THSD7A: variants seen among roughly 807,000 people sequenced by gnomAD.
THSD7A encodes thrombospondin type 1 domain containing 7A, also known as thrombospondin type-1 domain-containing protein 7A.
THSD7A carries 96 observed loss-of-function variants against 231.3 expected under a neutral mutation model. The ratio of observed to expected loss-of-function variants is 0.41; its 90% CI spans 0.35 to 0.49. The LOEUF (loss-of-function observed/expected upper bound fraction) is 0.49, where lower values mean the gene tolerates loss of function less well. THSD7A is among the 20% of genes least tolerant of loss of function. The pLI is 0.05. For missense variants in THSD7A, 2,290 were observed against 2,070.2 expected (o/e 1.11, Z -2.06); for synonymous variants, 940 against 743.3 (o/e 1.26, Z -4.30).
chr7:11,792,826 T>C (rs1784000321), intron 1 of THSD7A, among the ~76,000 whole-genome samples: 1 of 151,948 alleles, frequency 6.6e-6, no homozygotes, highest in African/African-American at 2.4e-5. Context: ...CAACTTTCCA[T>C]TGCAGCACAG....
intron 1 of THSD7A, among the ~76,000 whole-genome samples, chr7:11,732,579 CAAAAT>C (rs1781774341): frequency 6.6e-6 from 1 of 151,736 alleles, no homozygotes; most frequent in African/African-American, 2.4e-5. Context: ...GTATAAAACA[CAAAAT>C]AAAACATTTA....
chr7:11,481,946 A>T lies in THSD7A; in HGVS notation c.1859T>A (p.Ile620Asn). Residue 620 changes from isoleucine (I) to asparagine (N), a missense_variant, in exon 7 of 28, where the codon ATC (isoleucine) becomes AAC (asparagine). Transcript: ENST00000423059. ...EVDRQLCRDA[I>N]FPIPVACDAP... is the part of the protein sequence containing the mutation. Reference sequence around the variant, plus strand: ...ATCACAGGCCACAGGGATGGGGAAGATGGCATCTCTGCACAGCTGTCTGTC... The same window carrying T: ...ATCACAGGCCACAGGGATGGGGAAGTTGGCATCTCTGCACAGCTGTCTGTC... 6.2e-7 allele frequency: 1 copy of T among 1,613,358 alleles called. No homozygotes were observed. The highest frequency in any genetic ancestry group is 1.3e-5 in the African/African-American group (1 of 75,056).
intron 6 of THSD7A, among the ~76,000 whole-genome samples, chr7:11,502,526 G>GA (rs1406592528): frequency 1.3e-5 from 2 of 152,020 alleles, no homozygotes; most frequent in African/African-American, 2.4e-5. Flanking sequence ...CAGAACTAAA[G>GA]AAAAAAACCC....
At chr7:11,422,617 A>AG (rs1784184518) in intron 16 of THSD7A, among the ~76,000 whole-genome samples, 1 of 150,664 alleles carries the variant, frequency 6.6e-6, no homozygotes, top group South Asian at 2.1e-4. Flanking sequence ...AAAAAAAAAA[A>AG]GTAACATGTA....
intron 1 of THSD7A, among the ~76,000 whole-genome samples, chr7:11,668,101 C>G (rs533867311): frequency 1.3e-4 from 20 of 150,910 alleles, no homozygotes; most frequent in Non-Finnish European, 2.7e-4. Context: ...GTGGAGTGCT[C>G]TTTTTACTCT....
intron 1 of THSD7A, among the ~76,000 whole-genome samples, chr7:11,703,349 T>G (rs768718724): frequency 9.3e-5 from 14 of 151,282 alleles, no homozygotes; most frequent in Non-Finnish European, 1.5e-4. Context: ...TTATTTATTA[T>G]TTCTTCTTTG....
intron 1 of THSD7A, among the ~76,000 whole-genome samples, chr7:11,817,218 C>T (rs897432442): frequency 6.6e-6 from 1 of 152,112 alleles, no homozygotes; most frequent in Non-Finnish European, 1.5e-5. Flanking sequence ...GATCACTCAT[C>T]GTATACTTCC....
intron 1 of THSD7A, among the ~76,000 whole-genome samples, chr7:11,748,888 T>A (rs1782404200): frequency 6.6e-6 from 1 of 151,996 alleles, no homozygotes; most frequent in Non-Finnish European, 1.5e-5. Context: ...TTTGTTAATG[T>A]GATATATTTA....
intron 1 of THSD7A, among the ~76,000 whole-genome samples, chr7:11,697,149 GT>G (rs1487161747): frequency 6.6e-6 from 1 of 151,294 alleles, no homozygotes; most frequent in Admixed American, 6.6e-5. Context: ...AATTCTCATT[GT>G]TTTAATATAT....
rs115382448 is a variant in THSD7A at position 11,747,851 on chromosome 7, G to C, written c.190+83906C>G. On this transcript the variant is annotated intron_variant, in intron 1 of 27. Coordinates refer to ENST00000423059, the MANE Select transcript of THSD7A (RefSeq NM_015204.3). ...ACCGAAAGGACAATGGACAAGTAGA[G>C]ATTCTTGGCAGAGATCAAAGTGTAT... Among the ~76,000 whole-genome samples, 1,443 of 152,004 alleles carry C rather than the reference G, an allele frequency of 9.5e-3. 16 individuals carry two copies. Among genetic ancestry groups the C allele is most frequent in the African/African-American group, 0.032 (1,344 of 41,500 alleles).
rs115297900 is a variant in THSD7A, at chr7:11,729,076, C to T, written c.191-92115G>A. On this transcript the variant is annotated intron_variant, in intron 1 of 27. Transcript: ENST00000423059. The stretch of plus-strand genomic sequence containing the variant: ...TGACTGAAATGATATCTAGACAACA[C>T]TATCATAAAAACTTAAATAGATTTG... Among the ~76,000 whole-genome samples the T allele has an allele frequency of 7.8e-3, 1,180 of 151,894 alleles. 14 individuals are homozygous for T. Among genetic ancestry groups the T allele is most frequent in the African/African-American group, 0.027 (1,115 of 41,512 alleles).
chr7:11,453,287 T>A, intron 11 of THSD7A, among the ~76,000 whole-genome samples: 1 of 150,800 alleles, frequency 6.6e-6, no homozygotes, highest in East Asian at 2.0e-4. Flanking sequence ...CACATTTAGA[T>A]TTAAGTTTAA....
chr7:11,756,809 T>C (rs1020927966), intron 1 of THSD7A, among the ~76,000 whole-genome samples: 2 of 152,096 alleles, frequency 1.3e-5, no homozygotes, highest in African/African-American at 2.4e-5. Flanking sequence ...AGAAGTACAG[T>C]AGGCAACAGC....
At chr7:11,821,174 A>G (rs1784862553) in intron 1 of THSD7A, 17 of 1,142,412 alleles carry the variant, frequency 1.5e-5, no homozygotes, top group Non-Finnish European at 2.1e-5. Context: ...GTCATTCCTG[A>G]GGACCCAAAG....
chr7:11,469,634 T>C (rs1402461529), intron 9 of THSD7A, among the ~76,000 whole-genome samples: 2 of 152,184 alleles, frequency 1.3e-5, no homozygotes, highest in Non-Finnish European at 2.9e-5. Context: ...ACAATAAGAT[T>C]TAGAATCCTT....
chr7:11,482,226 G>C (rs545086819), intron 6 of THSD7A, among the ~76,000 whole-genome samples: 134 of 152,268 alleles, frequency 8.8e-4, no homozygotes, highest in Admixed American at 2.5e-3. Context: ...GGTATATCAA[G>C]CACATTGCTG....
intron 17 of THSD7A, 77 bp from the exon 18 acceptor site, chr7:11,412,877 G>A: frequency 1.3e-6 from 2 of 1,506,200 alleles, no homozygotes; most frequent in South Asian, 1.3e-5. Context: ...CAGCACTGGA[G>A]CAGGAGTTAG....
chr7:11,465,513 A>T (rs918255158), intron 9 of THSD7A, among the ~76,000 whole-genome samples: 2 of 152,140 alleles, frequency 1.3e-5, no homozygotes, highest in Non-Finnish European at 2.9e-5. Context: ...ATCTTAAGAC[A>T]TTCAAAATAA....
At chr7:11,545,663 G>C (rs1401057155) in intron 4 of THSD7A, among the ~76,000 whole-genome samples, 1 of 152,176 alleles carries the variant, frequency 6.6e-6, no homozygotes, top group Non-Finnish European at 1.5e-5. Context: ...AACAGGCATG[G>C]AATGGCCCAC....
Sources: allele counts gnomAD v4.1 joint callset (sites outside exome capture counted in the v4.1 genomes callset), GRCh38; gene constraint gnomAD v4.1.1; transcripts MANE v1.5; gene names NCBI Gene and HGNC (gene_info 2026-07-23, HGNC 2026-07-21).